Variants in OSMR observed in about 807,000 individuals in gnomAD.
OSMR encodes the protein oncostatin M receptor.
A neutral mutation model predicts 99.9 loss-of-function variants in OSMR; 81 were observed. The ratio of observed to expected loss-of-function variants is 0.81; its 90% CI spans 0.68 to 0.97. OSMR has a LOEUF of 0.97. Among genes scored for constraint, OSMR ranks in the 50% least tolerant of loss-of-function variants. The pLI is 0.00. For missense variants in OSMR, 1,099 were observed against 1,153.4 expected (o/e 0.95, Z 0.68); for synonymous variants, 406 against 410.4 (o/e 0.99, Z 0.13).
chr5:38,881,219 G>A (rs1352857642), intron 3 of OSMR, among the ~76,000 whole-genome samples: 1 of 151,606 alleles, frequency 6.6e-6, no homozygotes, highest in South Asian at 2.1e-4. Flanking sequence ...AAGGATGACT[G>A]TGTTAATTCT....
chr5:38,924,527 G>T lies in OSMR; in HGVS notation c.1976G>T (p.Gly659Val), dbSNP rs1281251417. Residue 659 changes from glycine to valine, a missense_variant, in exon 14 of 18, where the codon GGG becomes GTG. By Grantham distance (109) the Gly-to-Val change is moderately radical. Coordinates refer to ENST00000274276, the MANE Select transcript of OSMR (RefSeq NM_003999.3). ...GAATCTCAACCTGGTTTTATACAAG[G>T]GTACCATGTCTATCTGAAATCCAAG... is the stretch of plus-strand genomic sequence containing the variant. ...STESQPGFIQ[G>V]YHVYLKSKAR... The T allele has an allele frequency of 2.5e-6, 4 of 1,614,092 alleles. No homozygotes were observed. The highest frequency in any genetic ancestry group is 8.5e-7 in the Non-Finnish European group (1 of 1,179,984).
intron 7 of OSMR, among the ~76,000 whole-genome samples, chr5:38,892,964 G>A (rs1182675581): frequency 6.6e-6 from 1 of 152,056 alleles, no homozygotes; most frequent in African/African-American, 2.4e-5. Context: ...GGTATTTGTG[G>A]GCAAGCCAGG....
At chr5:38,926,167 G>A (rs1275192522) in intron 15 of OSMR, among the ~76,000 whole-genome samples, 1 of 152,156 alleles carries the variant, frequency 6.6e-6, no homozygotes, top group African/African-American at 2.4e-5. Flanking sequence ...GATCCTGGAA[G>A]GCACCCATGA....
intron 1 of OSMR, among the ~76,000 whole-genome samples, chr5:38,867,197 G>A (rs981182153): frequency 3.3e-5 from 5 of 152,112 alleles, no homozygotes; most frequent in African/African-American, 1.2e-4. Context: ...AGAAAGCAGT[G>A]GAAAGAGGTG....
chr5:38,905,534 A>G (rs1745172394), intron 9 of OSMR, among the ~76,000 whole-genome samples: 1 of 152,050 alleles, frequency 6.6e-6, no homozygotes, highest in Non-Finnish European at 1.5e-5. Flanking sequence ...TGAGCCATAC[A>G]TAGCTCGAAG....
At chr5:38,904,226 A>G (rs1239333) in intron 8 of OSMR, 127 bp from the exon 9 acceptor site, 61,679 of 1,535,660 alleles carry the variant, frequency 0.04, 3,651 homozygotes, top group East Asian at 0.33. Context: ...CCCCCAAAGA[A>G]GAACTGATCT....
At position 38,903,907 on chromosome 5, in the gene OSMR, C is replaced by T. The variant is rs371681588; in HGVS notation, c.1017C>T (p.Val339=). Residue 339 remains valine (V), a synonymous_variant, in exon 8 of 18, where the codon GTC becomes GTT. Transcript: ENST00000274276. ...HRVYLMNPFS[V]NFENVNATNA... is the part of the protein sequence containing the mutation. ...TTTATTTAATGAATCCTTTTAGTGT[C>T]AACTTTGAAAATGTAAATGCCACAA... The T allele has an allele frequency of 1.9e-6, 3 of 1,612,824 alleles. No individual in the cohort carries two copies. Among genetic ancestry groups the T allele is most frequent in the Non-Finnish European group, 2.5e-6 (3 of 1,179,600 alleles).
intron 7 of OSMR, among the ~76,000 whole-genome samples, chr5:38,886,925 G>A (rs889744186): frequency 1.3e-5 from 2 of 152,144 alleles, no homozygotes; most frequent in African/African-American, 4.8e-5. Context: ...TTTCAAAGGA[G>A]TAATACCAAT....
intron 3 of OSMR, among the ~76,000 whole-genome samples, chr5:38,880,749 G>C (rs1743213690): frequency 6.6e-6 from 1 of 152,182 alleles, no homozygotes; most frequent in African/African-American, 2.4e-5. Context: ...GACGATTCCT[G>C]CAAGGGACTG....
At chr5:38,940,649 A>G (rs1380504543) in intron 1 of OSMR, 1 of 232,886 alleles carries the variant, frequency 4.3e-6, no homozygotes, top group Non-Finnish European at 8.5e-6. Context: ...CTGCTTTGTT[A>G]TAATGTAAGT....
intron 7 of OSMR, among the ~76,000 whole-genome samples, chr5:38,895,344 C>A (rs749483002): frequency 4.6e-5 from 7 of 151,998 alleles, no homozygotes; most frequent in Admixed American, 6.6e-5. Context: ...GATTGATAGA[C>A]CACTAGCTAG....
At chr5:38,914,943 AC>A (rs1231667214) in intron 9 of OSMR, among the ~76,000 whole-genome samples, 1 of 152,222 alleles carries the variant, frequency 6.6e-6, no homozygotes, top group Non-Finnish European at 1.5e-5. Flanking sequence ...TGCACAATAT[AC>A]CCATGTAACA....
chr5:38,851,890 G>T (rs1221702262), intron 1 of OSMR, among the ~76,000 whole-genome samples: 2 of 152,076 alleles, frequency 1.3e-5, no homozygotes, highest in African/African-American at 4.8e-5. Flanking sequence ...TTTTATAAGG[G>T]GAAACCACTT....
At chr5:38,924,943 T>C (rs1358771509) in intron 14 of OSMR, 1 of 221,304 alleles carries the variant, frequency 4.5e-6, no homozygotes, top group Non-Finnish European at 7.6e-6. Flanking sequence ...GCTCTTACTG[T>C]TTCTTGCAGA....
intron 12 of OSMR, among the ~76,000 whole-genome samples, chr5:38,922,309 C>G (rs766443238): frequency 6.6e-5 from 10 of 152,036 alleles, no homozygotes; most frequent in Non-Finnish European, 1.0e-4. Context: ...GCGCCATCTA[C>G]TGGGCTCAGG....
chr5:38,932,002 A>C (rs760285180), intron 16 of OSMR, 38 bp downstream of exon 16: 1 of 1,436,682 alleles, frequency 7.0e-7, no homozygotes, highest in Non-Finnish European at 9.8e-7. Flanking sequence ...AGAAGAGAGT[A>C]AGAGAAAAGT....
downstream of OSMR, chr5:38,937,927 A>T (rs1242251918): frequency 1.1e-5 from 2 of 180,778 alleles, no homozygotes; most frequent in Admixed American, 1.3e-4. The surrounding 1 kb of genome is among the most constrained non-coding windows in gnomAD (Gnocchi z 4.0). Flanking sequence ...AAGTTTAAGA[A>T]TTTTAAGTAC....
At chr5:38,935,891 T>G (rs1024834030), downstream of OSMR, among the ~76,000 whole-genome samples, 2 of 152,168 alleles carry the variant, frequency 1.3e-5, no homozygotes, top group African/African-American at 4.8e-5. Flanking sequence ...TATAACAACA[T>G]GCCAATAGGA....
chr5:38,917,034 G>A (rs951277798), intron 9 of OSMR, among the ~76,000 whole-genome samples: 2 of 152,048 alleles, frequency 1.3e-5, no homozygotes, highest in Non-Finnish European at 2.9e-5. Context: ...CAAGGTGCTG[G>A]GAGGAGGAGT....
Sources: gnomAD v4.1 joint callset for allele counts (sites outside exome capture counted in the v4.1 genomes callset) on GRCh38, gnomAD v4.1.1 for gene constraint, Gnocchi (gnomAD v3.1) non-coding constraint, MANE v1.5 for transcripts, NCBI Gene and HGNC (gene_info 2026-07-23, HGNC 2026-07-21) for gene names.